The following AMMECR1 variants were observed in gnomAD, a reference collection of about 807,000 sequenced individuals.
The protein encoded by AMMECR1 is AMMECR nuclear protein 1.
Under a neutral mutation model 22.5 loss-of-function variants are expected in AMMECR1, and 3 were observed. The observed-to-expected ratio is 0.13, with a 90% CI of 0.06 to 0.35. The LOEUF (loss-of-function observed/expected upper bound fraction) is 0.35, where lower values mean the gene tolerates loss of function less well. AMMECR1 is among the 10% of genes least tolerant of loss of function. The pLI, the probability that AMMECR1 is intolerant of heterozygous loss-of-function variation, is 1.00. For missense variants in AMMECR1, 235 were observed against 278.7 expected, an observed-to-expected ratio of 0.84 and a Z score of 1.12; for synonymous variants, 130 against 116.7, an observed-to-expected ratio of 1.11 and a Z score of -0.74.
In AMMECR1 at chrX:110,232,746, C is replaced by T. The variant is rs1193688776; in HGVS notation, c.585-16114G>A. Among the ~76,000 whole-genome samples, 10 of 107,938 alleles carry T rather than the reference C, an allele frequency of 9.3e-5. 1 individual carries two copies. Among genetic ancestry groups the T allele is most frequent in the African/African-American group, 2.7e-4 (8 of 29,560 alleles). The allele number at this position is 107,938 out of a possible 115,157, so 93.7% of individuals were successfully genotyped here. The stretch of plus-strand genomic sequence containing the variant: ...TCTACTAAAAATACAAAAAATTAGC[C>T]GGGCATGGTGGTGGGCGCCTGTAGT... On this transcript the variant is annotated intron_variant, in intron 2 of 5. Transcript: ENST00000262844.
intron 2 of AMMECR1, among the ~76,000 whole-genome samples, chrX:110,413,220 C>T (rs1360932939): frequency 9.0e-6 from 1 of 111,356 alleles, no homozygotes; most frequent in African/African-American, 3.3e-5. Context: ...ATTCCCCCTA[C>T]ACCCTGGATA....
intron 1 of AMMECR1, among the ~76,000 whole-genome samples, chrX:110,439,337 G>A (rs982124162): frequency 8.9e-6 from 1 of 112,176 alleles, no homozygotes; most frequent in Non-Finnish European, 1.9e-5. Context: ...ACCATTCGTG[G>A]GATAGCGTGG....
intron 2 of AMMECR1, among the ~76,000 whole-genome samples, chrX:110,254,343 T>C (rs1192810580): frequency 8.9e-6 from 1 of 111,947 alleles, no homozygotes; most frequent in Non-Finnish European, 1.9e-5. Context: ...TATTTTTGCA[T>C]GTTTATTTTA....
intron 2 of AMMECR1, among the ~76,000 whole-genome samples, chrX:110,357,350 C>G (rs2068235870): frequency 8.9e-6 from 1 of 111,762 alleles, no homozygotes; most frequent in African/African-American, 3.3e-5. Flanking sequence ...TGCCTTTTTA[C>G]ACTTTTTACT....
intron 2 of AMMECR1, among the ~76,000 whole-genome samples, chrX:110,368,774 G>A (rs767763061): frequency 5.4e-5 from 6 of 111,817 alleles, no homozygotes; most frequent in Non-Finnish European, 7.5e-5. Flanking sequence ...AGTGTGTAAT[G>A]TGGTAGCTGG....
rs1325274907 is a variant in AMMECR1, at chrX:110,194,276, C to T, written c.*4244G>A. The T allele has an allele frequency of 8.9e-6, 1 of 112,259 alleles. No individual in the cohort carries two copies. Among genetic ancestry groups the T allele is most frequent in the Non-Finnish European group, 1.9e-5 (1 of 53,223 alleles). 9.3% of individuals were successfully genotyped at this position (112,259 alleles called of 1,213,427 possible). On this transcript the variant is annotated 3_prime_UTR_variant, in exon 6 of 6. Coordinates refer to ENST00000262844, the MANE Select transcript of AMMECR1 (RefSeq NM_015365.3). Reference sequence around the variant, plus strand: ...AATATCTTTCCACAGCCATACCTTACAGACCCACATAAACCTTCTCATATT... The same window carrying T: ...AATATCTTTCCACAGCCATACCTTATAGACCCACATAAACCTTCTCATATT...
chrX:110,388,900 G>A (rs970624773), intron 2 of AMMECR1, among the ~76,000 whole-genome samples: 6 of 112,488 alleles, frequency 5.3e-5, no homozygotes, highest in Non-Finnish European at 1.1e-4. Context: ...TGGGGAGAGT[G>A]TGAACTGGCT....
intron 1 of AMMECR1, among the ~76,000 whole-genome samples, chrX:110,291,050 T>G (rs747450068): frequency 4.2e-4 from 47 of 111,568 alleles, no homozygotes; most frequent in African/African-American, 1.5e-3. Context: ...CTTCCTCACC[T>G]TAAGAAAAAT....
At chrX:110,391,894 TG>T (rs2068496245) in intron 2 of AMMECR1, among the ~76,000 whole-genome samples, 1 of 112,219 alleles carries the variant, frequency 8.9e-6, no homozygotes, top group Non-Finnish European at 1.9e-5. Context: ...TCCCTGATTT[TG>T]TCAAAGGCTT....
chrX:110,310,923 CT>C (rs1313037046), intron 1 of AMMECR1, among the ~76,000 whole-genome samples: 2 of 112,019 alleles, frequency 1.8e-5, no homozygotes, highest in Non-Finnish European at 3.8e-5. Context: ...CTAGAGGACT[CT>C]TCTGCAAATC....
At chrX:110,257,472 A>T in intron 2 of AMMECR1, among the ~76,000 whole-genome samples, 1 of 112,076 alleles carries the variant, frequency 8.9e-6, no homozygotes, top group Non-Finnish European at 1.9e-5. Context: ...TTTTTCTTCT[A>T]TGACAAGATC....
chrX:110,238,492 C>T (rs2067613401), intron 2 of AMMECR1, among the ~76,000 whole-genome samples: 1 of 112,472 alleles, frequency 8.9e-6, no homozygotes, highest in South Asian at 3.7e-4. Context: ...CAGACTGCCT[C>T]TCTAGATTCC....
rs766180255 is a variant in AMMECR1 at position 110,317,951 on chromosome X, C to G, written c.121G>C (p.Ala41Pro). 8 of 1,197,316 alleles carry G rather than the reference C, an allele frequency of 6.7e-6. No homozygotes were observed. The highest frequency in any genetic ancestry group is 1.8e-5 in the African/African-American group (1 of 56,838). The change falls in exon 1 of 6, where the codon GCT (alanine) becomes CCT (proline). Residue 41 changes from alanine to proline, a missense_variant. Ala to Pro is a conservative substitution (Grantham distance 27). Transcript: ENST00000262844. ...SHCSGESQCR[A>P]GELGLGGAGT... ...GCGCCTCCTAGTCCCAGCTCCCCAG[C>G]TCGGCACTGGCTCTCTCCGCTGCAG...
intron 2 of AMMECR1, among the ~76,000 whole-genome samples, chrX:110,349,906 T>A (rs148834487): frequency 0.02 from 2,281 of 111,781 alleles, 23 homozygotes; most frequent in Middle Eastern, 0.064. Flanking sequence ...GGATCATGTA[T>A]AAGAAAGTCC....
At chrX:110,380,564 A>G (rs762523201) in intron 2 of AMMECR1, among the ~76,000 whole-genome samples, 1 of 111,957 alleles carries the variant, frequency 8.9e-6, no homozygotes, top group South Asian at 3.7e-4. Context: ...TCAAATAACC[A>G]ATGTCACTTT....
At chrX:110,262,670 A>G (rs144510935) in intron 2 of AMMECR1, among the ~76,000 whole-genome samples, 1,229 of 112,359 alleles carry the variant, frequency 0.011, 16 homozygotes, top group African/African-American at 0.038. Flanking sequence ...TGCTACCACA[A>G]TGACCACTAC....
intron 2 of AMMECR1, among the ~76,000 whole-genome samples, chrX:110,238,759 C>G (rs368838801): frequency 8.9e-6 from 1 of 112,319 alleles, no homozygotes; most frequent in African/African-American, 3.2e-5. Context: ...CTGGGAGACA[C>G]CTCCCAGCAG....
chrX:110,197,423 T>C lies in AMMECR1; in HGVS notation c.*1097A>G, dbSNP rs1372233749. On this transcript the variant is annotated 3_prime_UTR_variant, in exon 6 of 6. Coordinates refer to ENST00000262844, the MANE Select transcript of AMMECR1 (RefSeq NM_015365.3). ...ATGGATTCTAGCCAATCATGACTTA[T>C]TGAAACCTAGAGCTAACAAATTTAA... 1.8e-5 allele frequency: 2 copies of C among 111,993 alleles called. No individual in the cohort carries two copies. Among genetic ancestry groups the C allele is most frequent in the Admixed American group, 1.9e-4 (2 of 10,582 alleles). 9.2% of individuals were successfully genotyped at this position (111,993 alleles called of 1,213,427 possible).
At chrX:110,269,962 G>A (rs1488011241) in intron 1 of AMMECR1, among the ~76,000 whole-genome samples, 1 of 111,518 alleles carries the variant, frequency 9.0e-6, no homozygotes, top group East Asian at 2.8e-4. Context: ...TAAGGTACTG[G>A]CAGAGTTCAG....
Sources: gnomAD v4.1 joint callset for allele counts (sites outside exome capture counted in the v4.1 genomes callset) on GRCh38, gnomAD v4.1.1 for gene constraint, MANE v1.5 for transcripts, NCBI Gene and HGNC (gene_info 2026-07-23, HGNC 2026-07-21) for gene names.